The following RERE variants were observed in gnomAD, a reference collection of about 807,000 sequenced individuals.
The protein encoded by RERE is arginine-glutamic acid dipeptide repeats protein.
Under a neutral mutation model 146.1 loss-of-function variants are expected in RERE, and 40 were observed. That is an observed-to-expected ratio of 0.27 (90% CI 0.21 to 0.36). RERE has a LOEUF of 0.36. Ranked by LOEUF, RERE falls within the 10% of genes least tolerant of loss-of-function variation. The pLI is 1.00. For missense variants in RERE, 1,933 were observed against 2,138.7 expected, an observed-to-expected ratio of 0.90 and a Z score of 1.90; for synonymous variants, 1,003 against 866.0, an observed-to-expected ratio of 1.16 and a Z score of -2.78.
chr1:8,690,532 G>T (rs7533442), intron 1 of RERE, among the ~76,000 whole-genome samples: 125,890 of 152,266 alleles, frequency 0.83, 52,268 homozygotes, highest in East Asian at 0.94. Context: ...AAGATAGTTT[G>T]AAAGGATGGC....
In RERE at chr1:8,361,121, G is replaced by T. The variant is rs1434580993; in HGVS notation, c.2386C>A (p.Pro796Thr). ...GGTGCCTGTTGGATGTGGGTGTGGG[G>T]AACAGGCGCTGTGGGAGCCTGTGGC... ...NQPQAPTAPV[P>T]HTHIQQAPAL... The change falls in exon 18 of 23, where the codon CCC (proline) becomes ACC (threonine). Residue 796 changes from proline to threonine, a missense_variant. By Grantham distance (38) the Pro-to-Thr change is conservative. Around this residue, in one of 11 missense-constraint regions of RERE, gnomAD observed 1,255 missense variants for 1,153.8 expected, o/e 1.09. Transcript: ENST00000400908. 5.5e-6 allele frequency: 8 copies of T among 1,444,146 alleles called. No individual in the cohort carries two copies. The highest frequency in any genetic ancestry group is 7.3e-6 in the Non-Finnish European group (8 of 1,103,362). 89.5% of individuals were successfully genotyped at this position (1,444,146 alleles called of 1,614,324 possible). A position where few individuals can be genotyped will look rare whatever the true frequency, so the allele number is the denominator to read the frequency against.
intron 1 of RERE, among the ~76,000 whole-genome samples, chr1:8,809,887 T>C (rs1213786370): frequency 1.3e-5 from 2 of 152,178 alleles, no homozygotes; most frequent in Non-Finnish European, 2.9e-5. Context: ...AGTGAGAAGG[T>C]TATAACAAGA....
intron 1 of RERE, among the ~76,000 whole-genome samples, chr1:8,732,362 T>G (rs1407492661): frequency 6.6e-6 from 1 of 152,236 alleles, no homozygotes; most frequent in African/African-American, 2.4e-5. Flanking sequence ...CACATATTGT[T>G]AAGTGAAAGA....
intron 1 of RERE, among the ~76,000 whole-genome samples, chr1:8,703,525 A>G (rs1326700831): frequency 6.6e-6 from 1 of 152,092 alleles, no homozygotes; most frequent in Non-Finnish European, 1.5e-5. Context: ...GCGCGCGCAC[A>G]CACAATGCCA....
At chr1:8,748,731 C>T (rs1640472734) in intron 1 of RERE, among the ~76,000 whole-genome samples, 1 of 152,174 alleles carries the variant, frequency 6.6e-6, no homozygotes, top group African/African-American at 2.4e-5. Flanking sequence ...CTCCTTTTGT[C>T]TTTCTTCCCA....
intron 3 of RERE, among the ~76,000 whole-genome samples, chr1:8,618,886 G>C (rs1646886383): frequency 6.6e-6 from 1 of 152,132 alleles, no homozygotes; most frequent in Admixed American, 6.5e-5. Context: ...ATGGCAAGTG[G>C]AACCTAAGAT....
chr1:8,675,286 C>T (rs1436009158), intron 1 of RERE, among the ~76,000 whole-genome samples: 3 of 151,792 alleles, frequency 2.0e-5, no homozygotes, highest in African/African-American at 4.8e-5. Flanking sequence ...CTGTCACTTT[C>T]GATATAGTTT....
intron 1 of RERE, among the ~76,000 whole-genome samples, chr1:8,722,217 G>A (rs1466458837): frequency 6.6e-6 from 1 of 152,132 alleles, no homozygotes; most frequent in East Asian, 1.9e-4. Context: ...CTCAATCCAC[G>A]CACAGGTCTT....
intron 1 of RERE, among the ~76,000 whole-genome samples, chr1:8,814,533 C>T (rs1007651780): frequency 5.9e-5 from 9 of 152,142 alleles, no homozygotes; most frequent in Admixed American, 2.0e-4. Flanking sequence ...CTGAAAACAA[C>T]ACTACTGCAA....
In RERE at chr1:8,358,841, A is replaced by C; in HGVS notation, c.3694T>G (p.Phe1232Val). ...GCAATGGTGGTTGGTGGTGGCTCGA[A>C]GGATGGCCGCATGTGGCCAGGACCA... is the stretch of plus-strand genomic sequence containing the variant. Reference protein sequence around the residue: ...LSGPGHMRPSFEPPPTTIAAV... With the variant: ...LSGPGHMRPSVEPPPTTIAAV... The change falls in exon 20 of 23, where the codon TTC (phenylalanine) becomes GTC (valine). Residue 1232 changes from phenylalanine to valine, a missense_variant. By Grantham distance (50) the Phe-to-Val change is conservative. Coordinates refer to ENST00000400908, the MANE Select transcript of RERE (RefSeq NM_001042681.2). The C allele has an allele frequency of 6.2e-7, 1 of 1,606,196 alleles. No individual in the cohort carries two copies. Among genetic ancestry groups the C allele is most frequent in the Non-Finnish European group, 8.5e-7 (1 of 1,175,788 alleles).
At chr1:8,513,641 G>T (rs2124317947) in intron 7 of RERE, among the ~76,000 whole-genome samples, 1 of 152,294 alleles carries the variant, frequency 6.6e-6, no homozygotes, top group African/African-American at 2.4e-5. Flanking sequence ...TTAGCCGGGT[G>T]TGGTGTTGCA....
intron 11 of RERE, among the ~76,000 whole-genome samples, chr1:8,449,411 G>A (rs1228727218): frequency 6.6e-6 from 1 of 152,104 alleles, no homozygotes; most frequent in African/African-American, 2.4e-5. Context: ...CCTGGCCATG[G>A]GGAGTATTCA....
chr1:8,492,517 G>T (rs1383851419), intron 10 of RERE, among the ~76,000 whole-genome samples: 2 of 151,920 alleles, frequency 1.3e-5, no homozygotes, highest in Non-Finnish European at 2.9e-5. Flanking sequence ...TAGCACTTTG[G>T]GAGTCTGAGA....
intron 1 of RERE, among the ~76,000 whole-genome samples, chr1:8,736,472 G>A (rs1640200059): frequency 6.6e-6 from 1 of 152,064 alleles, no homozygotes; most frequent in Admixed American, 6.6e-5. Context: ...CTCCCAAAGT[G>A]CTTGGATTAC....
At chr1:8,414,227 A>G (rs1347085058) in intron 12 of RERE, among the ~76,000 whole-genome samples, 1 of 151,774 alleles carries the variant, frequency 6.6e-6, no homozygotes. Context: ...CAAAATCCCA[A>G]CTTTGTCAAC....
intron 4 of RERE, among the ~76,000 whole-genome samples, chr1:8,592,482 G>C (rs1412243286): frequency 6.6e-6 from 1 of 152,002 alleles, no homozygotes; most frequent in Non-Finnish European, 1.5e-5. Flanking sequence ...ACGTTGCCCA[G>C]GCTTATCTTA....
At chr1:8,794,873 T>C (rs1165490271) in intron 1 of RERE, among the ~76,000 whole-genome samples, 1 of 152,078 alleles carries the variant, frequency 6.6e-6, no homozygotes, top group Non-Finnish European at 1.5e-5. Flanking sequence ...AGTGCAGTGG[T>C]GCCATCATGT....
At chr1:8,736,348 A>T (rs1049830399) in intron 1 of RERE, among the ~76,000 whole-genome samples, 1 of 152,110 alleles carries the variant, frequency 6.6e-6, no homozygotes, top group Non-Finnish European at 1.5e-5. Context: ...CTGGGACTAC[A>T]GGCGCCCGCC....
chr1:8,491,454 A>G (rs909018536), intron 10 of RERE, among the ~76,000 whole-genome samples: 2 of 152,046 alleles, frequency 1.3e-5, no homozygotes, highest in Non-Finnish European at 2.9e-5. Context: ...ACAAAAAACA[A>G]AACAAAACAA....
Sources: gnomAD v4.1 joint callset for allele counts (sites outside exome capture counted in the v4.1 genomes callset) on GRCh38, gnomAD v4.1.1 for gene constraint, gnomAD v4.1.1 regional missense constraint, MANE v1.5 for transcripts, NCBI Gene and HGNC (gene_info 2026-07-23, HGNC 2026-07-21) for gene names.